The following PCSK5 variants were observed in gnomAD, a reference collection of about 807,000 sequenced individuals.
PCSK5 encodes proprotein convertase subtilisin/kexin type 5, also known as prohormone convertase 5.
Under a neutral mutation model 233.2 loss-of-function variants are expected in PCSK5, and 129 were observed. The ratio of observed to expected loss-of-function variants is 0.55; its 90% CI spans 0.48 to 0.64. The LOEUF is 0.64. Ranked by LOEUF, PCSK5 falls within the 30% of genes least tolerant of loss-of-function variation. The pLI, the probability that PCSK5 is intolerant of heterozygous loss-of-function variation, is 0.00. For missense variants in PCSK5, 2,076 were observed against 2,430.1 expected, an observed-to-expected ratio of 0.85 and a Z score of 3.06; for synonymous variants, 825 against 879.2, an observed-to-expected ratio of 0.94 and a Z score of 1.09.
intron 6 of PCSK5, among the ~76,000 whole-genome samples, chr9:76,068,946 C>G (rs935556999): frequency 6.6e-6 from 1 of 152,100 alleles, no homozygotes; most frequent in Non-Finnish European, 1.5e-5. Context: ...AATGACAATT[C>G]TTTCTAGGAT....
chr9:76,209,325 C>G (rs1471192115), intron 20 of PCSK5, among the ~76,000 whole-genome samples: 2 of 152,208 alleles, frequency 1.3e-5, no homozygotes, highest in African/African-American at 4.8e-5. Context: ...CCAGCACTCC[C>G]TGATTTGCTT....
intron 2 of PCSK5, among the ~76,000 whole-genome samples, chr9:75,965,539 G>A (rs2131353001): frequency 6.6e-6 from 1 of 152,256 alleles, no homozygotes; most frequent in African/African-American, 2.4e-5. Flanking sequence ...CCCTTCTTCT[G>A]CTTTTTGTTT....
chr9:75,960,494 G>A (rs1263108640), intron 2 of PCSK5, among the ~76,000 whole-genome samples: 1 of 152,020 alleles, frequency 6.6e-6, no homozygotes, highest in African/African-American at 2.4e-5. Flanking sequence ...TAATATTCTG[G>A]GAAAACAGAG....
At chr9:76,284,542 T>C (rs1827997322) in intron 24 of PCSK5, among the ~76,000 whole-genome samples, 1 of 149,686 alleles carries the variant, frequency 6.7e-6, no homozygotes, top group Non-Finnish European at 1.5e-5. Context: ...TGTCTTTTTT[T>C]TTTTTTTGAG....
intron 5 of PCSK5, among the ~76,000 whole-genome samples, chr9:76,048,484 G>C (rs76041058): frequency 0.044 from 6,686 of 152,234 alleles, 212 homozygotes; most frequent in African/African-American, 0.068. Context: ...CACTAAGTAC[G>C]TGTGTACCTG....
At chr9:75,980,889 A>C (rs1826247774) in intron 2 of PCSK5, among the ~76,000 whole-genome samples, 1 of 140,996 alleles carries the variant, frequency 7.1e-6, no homozygotes, top group Non-Finnish European at 1.5e-5. Flanking sequence ...CTCGCTTTCC[A>C]TAGCAAAAAC....
At chr9:76,118,292 A>G (rs545627901) in intron 9 of PCSK5, among the ~76,000 whole-genome samples, 1 of 152,242 alleles carries the variant, frequency 6.6e-6, no homozygotes, top group South Asian at 2.1e-4. Context: ...GGTTATTTTT[A>G]AAACAAAGGT....
At chr9:76,021,117 T>TA (rs1743853572) in intron 3 of PCSK5, among the ~76,000 whole-genome samples, 4 of 152,228 alleles carry the variant, frequency 2.6e-5, no homozygotes. Context: ...GCAGTACACA[T>TA]AGTGGAAATA....
chr9:76,190,847 T>G (rs183759757), intron 20 of PCSK5, among the ~76,000 whole-genome samples: 1 of 152,182 alleles, frequency 6.6e-6, no homozygotes, highest in Non-Finnish European at 1.5e-5. Flanking sequence ...TCCCCAAATA[T>G]TCTGATTGAA....
intron 24 of PCSK5, among the ~76,000 whole-genome samples, chr9:76,261,483 C>G (rs1827173056): frequency 6.6e-6 from 1 of 152,226 alleles, no homozygotes; most frequent in South Asian, 2.1e-4. Flanking sequence ...CAATAATGTT[C>G]AAGCTGAGGG....
Position 76,246,320 on chromosome 9 carries a change from C to T in PCSK5, c.3142+5636C>T, listed in dbSNP as rs146029924. Among the ~76,000 whole-genome samples, 317 of 120,546 alleles carry T rather than the reference C, an allele frequency of 2.6e-3. 2 individuals are homozygous for T. The highest frequency in any genetic ancestry group is 9.4e-3 in the African/African-American group (302 of 32,200). The allele number at this position is 120,546 out of a possible 152,430, so 79.1% of individuals were successfully genotyped here. A position where few individuals can be genotyped will look rare whatever the true frequency, so the allele number is the denominator to read the frequency against. ...TTGCGCCACTGCACTCCACCCTGGG[C>T]GACAGAGCGAGATTCCATCTCAAAA... is the stretch of plus-strand genomic sequence containing the variant. On this transcript the variant is annotated intron_variant, in intron 24 of 37. Transcript: ENST00000674117.
chr9:76,091,988 C>G (rs571309276), intron 7 of PCSK5, among the ~76,000 whole-genome samples: 1 of 152,132 alleles, frequency 6.6e-6, no homozygotes, highest in Non-Finnish European at 1.5e-5. Flanking sequence ...CTCTCAACCC[C>G]GTGGATCCCC....
chr9:76,138,301 T>C (rs1367784091), intron 10 of PCSK5, among the ~76,000 whole-genome samples: 1 of 152,092 alleles, frequency 6.6e-6, no homozygotes, highest in Non-Finnish European at 1.5e-5. Context: ...CCTTCTCTCA[T>C]CATCTAAAAT....
intron 5 of PCSK5, among the ~76,000 whole-genome samples, chr9:76,049,695 C>T (rs1261485273): frequency 6.6e-6 from 1 of 152,170 alleles, no homozygotes; most frequent in Non-Finnish European, 1.5e-5. Context: ...CCATTGTTTA[C>T]CTGTATTTCA....
rs146929307 is a variant in PCSK5 at position 76,358,578 on chromosome 9, A to C, written c.5320A>C (p.Ile1774Leu). 2.5e-6 allele frequency: 4 copies of C among 1,612,742 alleles called. No homozygotes were observed. The South Asian group carries it at 4.4e-5, about 18-fold the overall frequency. The stretch of plus-strand genomic sequence containing the variant: ...TGAGCATTTCAAGACAGCTCTGTTC[A>C]TCACCTCCTCCATGATGCTGGTGCT... Reference protein sequence around the residue: ...ATEHFKTALFITSSMMLVLLL... With the variant: ...ATEHFKTALFLTSSMMLVLLL... Residue 1774 changes from isoleucine to leucine, a missense_variant, in exon 38 of 38, where the codon ATC (isoleucine) becomes CTC (leucine). By Grantham distance (5) the Ile-to-Leu change is conservative. Around this residue, in one of 6 missense-constraint regions of PCSK5, gnomAD observed 1,510 missense variants for 1,538.1 expected, o/e 0.98. Transcript: ENST00000674117.
At chr9:76,284,005 T>TA (rs1827969573) in intron 24 of PCSK5, among the ~76,000 whole-genome samples, 4 of 152,194 alleles carry the variant, frequency 2.6e-5, no homozygotes, top group Non-Finnish European at 5.9e-5. Flanking sequence ...ACTCAACATG[T>TA]TTTGACAAGG....
At chr9:76,298,338 A>C (rs1210051540) in intron 27 of PCSK5, among the ~76,000 whole-genome samples, 1 of 152,046 alleles carries the variant, frequency 6.6e-6, no homozygotes, top group African/African-American at 2.4e-5. Flanking sequence ...GAGAGGGAGG[A>C]ATTAGTGCAT....
intron 7 of PCSK5, among the ~76,000 whole-genome samples, chr9:76,091,544 CT>C (rs1412756763): frequency 4.6e-5 from 7 of 152,148 alleles, no homozygotes; most frequent in Non-Finnish European, 8.8e-5. Context: ...GTTCTGGTGT[CT>C]TCTAGTTAAC....
intron 5 of PCSK5, among the ~76,000 whole-genome samples, chr9:76,032,708 GA>G (rs1262176330): frequency 4.6e-5 from 7 of 152,044 alleles, no homozygotes; most frequent in Non-Finnish European, 1.0e-4. Context: ...GCTTAAAATA[GA>G]AAATGCCTCC....
Sources: gnomAD v4.1 joint callset for allele counts (sites outside exome capture counted in the v4.1 genomes callset) on GRCh38, gnomAD v4.1.1 for gene constraint, gnomAD v4.1.1 regional missense constraint, MANE v1.5 for transcripts, NCBI Gene and HGNC (gene_info 2026-07-23, HGNC 2026-07-21) for gene names.